TRIP4: variants seen among roughly 807,000 people sequenced by gnomAD.
TRIP4 encodes activating signal cointegrator 1.
In TRIP4, 54 loss-of-function variants were observed where a neutral mutation model predicts 81.8. The ratio of observed to expected loss-of-function variants is 0.66; its 90% confidence interval spans 0.53 to 0.83. The LOEUF (loss-of-function observed/expected upper bound fraction) is 0.83, where lower values mean the gene tolerates loss of function less well. TRIP4 is among the 40% of genes least tolerant of loss of function. The pLI, the probability that TRIP4 is intolerant of heterozygous loss-of-function variation, is 0.00. For missense variants in TRIP4, 662 were observed against 683.6 expected (o/e 0.97, Z 0.35); for synonymous variants, 270 against 242.8 (o/e 1.11, Z -1.04).
intron 11 of TRIP4, among the ~76,000 whole-genome samples, chr15:64,431,946 G>C (rs985797133): frequency 2.2e-5 from 3 of 138,326 alleles, no homozygotes; most frequent in African/African-American, 8.0e-5. Flanking sequence ...GAGTGCAGTG[G>C]AGTGATCTTG....
At chr15:64,448,908 T>C (rs148245454) in intron 12 of TRIP4, among the ~76,000 whole-genome samples, 70 of 152,260 alleles carry the variant, frequency 4.6e-4, no homozygotes, top group African/African-American at 1.7e-3. Flanking sequence ...TTAAGTTTAA[T>C]AGCAATAATA....
chr15:64,432,389 G>A (rs1243638981), intron 11 of TRIP4, among the ~76,000 whole-genome samples: 3 of 151,734 alleles, frequency 2.0e-5, no homozygotes, highest in Non-Finnish European at 1.5e-5. Flanking sequence ...CGATGCAGGC[G>A]GATCACTCAA....
chr15:64,449,556 A>G (rs1006555568), intron 12 of TRIP4, among the ~76,000 whole-genome samples: 1 of 149,792 alleles, frequency 6.7e-6, no homozygotes, highest in African/African-American at 2.4e-5. Context: ...AATATGACCC[A>G]TTTATGTGTT....
At chr15:64,426,956 T>C (rs765975123) in intron 11 of TRIP4, among the ~76,000 whole-genome samples, 2 of 151,796 alleles carry the variant, frequency 1.3e-5, no homozygotes, top group Non-Finnish European at 2.9e-5. Context: ...GCCGAGATCA[T>C]GCCACTGCGC....
At position 64,409,798 on chromosome 15, in the gene TRIP4, A is replaced by G; in HGVS notation, c.1013A>G (p.Glu338Gly). 1 of 1,614,190 alleles carries G rather than the reference A, an allele frequency of 6.2e-7. No homozygotes were observed. Among genetic ancestry groups the G allele is most frequent in the South Asian group, 1.1e-5 (1 of 91,086 alleles). Residue 338 changes from glutamate (E) to glycine (G), a missense_variant, in exon 7 of 13, where the codon GAA becomes GGA. Coordinates refer to ENST00000261884, the MANE Select transcript of TRIP4 (RefSeq NM_016213.5). ...TTTGCAGGAAGGAAGATCCTGGAAG[A>G]AGAAAATTCACTAGCAGAGTATCAT... ...IDFAGRKILE[E>G]ENSLAEYHSR...
At chr15:64,390,161 A>G (rs546825569) in intron 1 of TRIP4, among the ~76,000 whole-genome samples, 1 of 141,692 alleles carries the variant, frequency 7.1e-6, no homozygotes, top group African/African-American at 2.8e-5. Context: ...ATACAGTATT[A>G]AAAAAAAAAG....
intron 11 of TRIP4, among the ~76,000 whole-genome samples, chr15:64,429,660 C>T (rs1382413218): frequency 1.3e-5 from 2 of 152,174 alleles, no homozygotes; most frequent in African/African-American, 2.4e-5. Context: ...TACTACAGAA[C>T]TGGTATCATG....
At chr15:64,436,792 T>TTTA (rs1307572123) in intron 11 of TRIP4, among the ~76,000 whole-genome samples, 4 of 138,068 alleles carry the variant, frequency 2.9e-5, no homozygotes, top group East Asian at 2.2e-4. Context: ...TTTTTTTTTT[T>TTTA]AATAAGGAGT....
rs538479741 is a variant in TRIP4 at position 64,424,244 on chromosome 15, T to A, written c.1483+89T>A. ...CTTTCACTTCCTTCTTTCTTTGGCTTTTTCTTTGTTAAAAGAGACTTTTAA... is the reference window on the plus strand; with the variant it reads ...CTTTCACTTCCTTCTTTCTTTGGCTATTTCTTTGTTAAAAGAGACTTTTAA... On this transcript the variant is annotated intron_variant, in intron 10 of 12. Transcript: ENST00000261884. The A allele has an allele frequency of 4.9e-5, 76 of 1,561,684 alleles. No individual in the cohort carries two copies. The East Asian group carries it at 9.4e-4, about 19-fold the overall frequency.
chr15:64,445,924 G>A (rs1055434852), intron 12 of TRIP4, among the ~76,000 whole-genome samples: 1 of 152,116 alleles, frequency 6.6e-6, no homozygotes, highest in Non-Finnish European at 1.5e-5. Flanking sequence ...GAAGTAGTAA[G>A]GCAGTGCAGT....
rs949183328 is a variant in TRIP4 at position 64,418,586 on chromosome 15, T to G, written c.1216T>G (p.Ser406Ala). Residue 406 changes from serine to alanine, a missense_variant, in exon 9 of 13, where the codon TCT becomes GCT. By Grantham distance (99) the Ser-to-Ala change is moderately conservative. Coordinates refer to ENST00000261884, the MANE Select transcript of TRIP4 (RefSeq NM_016213.5). Reference protein sequence around the residue: ...GAASQKKAFRSSGFGLEFNSF... With the variant: ...GAASQKKAFRASGFGLEFNSF... ...AGCCTCACAGAAGAAGGCTTTCCGT[T>G]CTTCAGGATTTGGACTAGAGTTCAA... 2 of 1,613,456 alleles carry G rather than the reference T, an allele frequency of 1.2e-6. No individual in the cohort carries two copies. Among genetic ancestry groups the G allele is most frequent in the Non-Finnish European group, 1.7e-6 (2 of 1,180,012 alleles).
At chr15:64,409,360 C>T (rs940623033) in intron 6 of TRIP4, among the ~76,000 whole-genome samples, 6 of 151,984 alleles carry the variant, frequency 3.9e-5, no homozygotes, top group African/African-American at 1.5e-4. Context: ...AGGCTGAAGC[C>T]CAGCTTTCAG....
intron 1 of TRIP4, among the ~76,000 whole-genome samples, chr15:64,392,286 A>C (rs558696941): frequency 2.6e-5 from 4 of 152,248 alleles, no homozygotes; most frequent in South Asian, 4.1e-4. Flanking sequence ...AGACTAAATG[A>C]GACTCTGTCT....
At chr15:64,408,094 CAAA>C (rs750653412) in intron 6 of TRIP4, among the ~76,000 whole-genome samples, 4 of 98,740 alleles carry the variant, frequency 4.1e-5, no homozygotes, top group African/African-American at 3.6e-5. Context: ...GAGATTGTCT[CAAA>C]AAAAAAAAAA....
intron 10 of TRIP4, 141 bp downstream of exon 10, chr15:64,424,296 G>A: frequency 8.4e-7 from 1 of 1,195,116 alleles, no homozygotes; most frequent in Non-Finnish European, 1.2e-6. Context: ...TTTGTTTAGT[G>A]GTAAATCATT....
intron 12 of TRIP4, among the ~76,000 whole-genome samples, chr15:64,448,526 C>G (rs1479158992): frequency 4.6e-5 from 7 of 152,116 alleles, no homozygotes; most frequent in Admixed American, 4.6e-4. Context: ...TGCAGTGGCA[C>G]AATCTCAATT....
At chr15:64,427,635 C>T (rs746162895) in intron 11 of TRIP4, among the ~76,000 whole-genome samples, 3 of 152,174 alleles carry the variant, frequency 2.0e-5, no homozygotes, top group Non-Finnish European at 2.9e-5. Context: ...CTCAGCTTCC[C>T]GAAGTGCTTT....
At chr15:64,440,529 A>G (rs1892494938) in intron 11 of TRIP4, among the ~76,000 whole-genome samples, 2 of 152,048 alleles carry the variant, frequency 1.3e-5, no homozygotes, top group African/African-American at 4.8e-5. Context: ...ATAATGAAAA[A>G]TAATCTCTTC....
chr15:64,410,522 G>A (rs1367584741), intron 7 of TRIP4, among the ~76,000 whole-genome samples: 2 of 152,080 alleles, frequency 1.3e-5, no homozygotes, highest in African/African-American at 4.8e-5. Flanking sequence ...GTTATTTTGG[G>A]ATAATTGCCT....
Sources: gnomAD v4.1 joint callset for allele counts (sites outside exome capture counted in the v4.1 genomes callset) on GRCh38, gnomAD v4.1.1 for gene constraint, MANE v1.5 for transcripts, NCBI Gene and HGNC (gene_info 2026-07-23, HGNC 2026-07-21) for gene names.